The following MLLT3 variants were observed in gnomAD, a reference collection of about 807,000 sequenced individuals.
The protein encoded by MLLT3 is protein AF-9.
Under a neutral mutation model 53.2 loss-of-function variants are expected in MLLT3, and 4 were observed. The observed-to-expected ratio is 0.08, with a 90% confidence interval of 0.04 to 0.17. MLLT3 has a LOEUF of 0.17. Ranked by LOEUF, MLLT3 falls within the 10% of genes least tolerant of loss-of-function variation. The pLI, the probability that MLLT3 is intolerant of heterozygous loss-of-function variation, is 1.00. For missense variants in MLLT3, 569 were observed against 684.0 expected, an observed-to-expected ratio of 0.83 and a Z score of 1.87; for synonymous variants, 283 against 230.6, an observed-to-expected ratio of 1.23 and a Z score of -2.06.
At position 20,413,908 on chromosome 9, in the gene MLLT3, G is replaced by T; in HGVS notation, c.938C>A (p.Ala313Glu). The T allele has an allele frequency of 1.2e-6, 2 of 1,613,522 alleles. No homozygotes were observed. The highest frequency in any genetic ancestry group is 1.7e-6 in the Non-Finnish European group (2 of 1,179,902). ...SEALFKSFSSAPPLILTCSAD... is the reference protein window; with the variant it reads ...SEALFKSFSSEPPLILTCSAD... ...AGAACAAGTGAGTATCAGTGGTGGTGCGCTAGAAAAACTTTTAAATAAAGC... is the reference window on the plus strand; with the variant it reads ...AGAACAAGTGAGTATCAGTGGTGGTTCGCTAGAAAAACTTTTAAATAAAGC... The change falls in exon 5 of 11, where the codon GCA becomes GAA. Residue 313 changes from alanine (A) to glutamate (E), a missense_variant. Physicochemically the swap from Ala to Glu is moderately radical, Grantham distance 107 (BLOSUM62 -1). This residue lies in a region of MLLT3 where 437 missense variants were observed against 376.5 expected (regional missense o/e 1.16). Transcript: ENST00000380338.
chr9:20,547,745 G>A (rs113012613), intron 2 of MLLT3, among the ~76,000 whole-genome samples: 2 of 151,796 alleles, frequency 1.3e-5, no homozygotes, highest in African/African-American at 4.8e-5. Flanking sequence ...GGGCCCAGGA[G>A]TTCAAGACTA....
chr9:20,383,712 A>G (rs910774587), intron 5 of MLLT3, among the ~76,000 whole-genome samples: 13 of 151,936 alleles, frequency 8.6e-5, no homozygotes, highest in African/African-American at 3.1e-4. Flanking sequence ...CCTCTCCCCC[A>G]TGATAGTCTT....
chr9:20,481,444 C>T (rs142985046), intron 2 of MLLT3, among the ~76,000 whole-genome samples: 14 of 152,298 alleles, frequency 9.2e-5, no homozygotes, highest in Non-Finnish European at 1.8e-4. Context: ...GCAGTTGGCG[C>T]TCCATATCGC....
At chr9:20,419,709 G>T (rs1371676158) in intron 4 of MLLT3, among the ~76,000 whole-genome samples, 1 of 152,120 alleles carries the variant, frequency 6.6e-6, no homozygotes, top group Non-Finnish European at 1.5e-5. Context: ...CACACACACA[G>T]TCTGTTGCGA....
intron 8 of MLLT3, among the ~76,000 whole-genome samples, chr9:20,359,145 CAAAAA>C (rs920197622): frequency 9.5e-5 from 2 of 20,980 alleles, no homozygotes; most frequent in Non-Finnish European, 2.0e-4. Context: ...AACTCCATCT[CAAAAA>C]AAAAAAAAAA....
intron 2 of MLLT3, among the ~76,000 whole-genome samples, chr9:20,564,163 C>G (rs1819289283): frequency 6.6e-6 from 1 of 152,100 alleles, no homozygotes; most frequent in Admixed American, 6.6e-5. Flanking sequence ...ATACCCTTCC[C>G]TGGATGCTCT....
chr9:20,521,444 C>T (rs1371763697), intron 2 of MLLT3, among the ~76,000 whole-genome samples: 6 of 134,126 alleles, frequency 4.5e-5, no homozygotes, highest in Non-Finnish European at 8.0e-5. Context: ...CACTCTCTCT[C>T]GCTGTGTGTG....
chr9:20,590,167 G>C (rs575408254), intron 2 of MLLT3, among the ~76,000 whole-genome samples: 31 of 152,122 alleles, frequency 2.0e-4, no homozygotes, highest in Non-Finnish European at 4.4e-4. Flanking sequence ...GGCTTCCAGA[G>C]CTGTAATTAC....
intron 2 of MLLT3, among the ~76,000 whole-genome samples, chr9:20,474,207 C>G (rs1169822021): frequency 6.6e-6 from 1 of 152,014 alleles, no homozygotes; most frequent in Admixed American, 6.6e-5. Flanking sequence ...ACAAAAGATT[C>G]TTCAGTAATT....
intron 2 of MLLT3, among the ~76,000 whole-genome samples, chr9:20,590,202 T>C (rs1298179633): frequency 6.6e-6 from 1 of 152,100 alleles, no homozygotes; most frequent in Non-Finnish European, 1.5e-5. Context: ...GCGTCAACTC[T>C]CTCCAAGATT....
chr9:20,610,271 T>A (rs1820669466), intron 2 of MLLT3, among the ~76,000 whole-genome samples: 1 of 152,250 alleles, frequency 6.6e-6, no homozygotes, highest in East Asian at 1.9e-4. Flanking sequence ...GCTGGCCAAG[T>A]CCTTCAAGTT....
chr9:20,578,170 C>T (rs1457804761), intron 2 of MLLT3, among the ~76,000 whole-genome samples: 2 of 152,344 alleles, frequency 1.3e-5, no homozygotes, highest in South Asian at 2.1e-4. Flanking sequence ...ATCTGTACTA[C>T]AGTCAGCTCT....
intron 5 of MLLT3, among the ~76,000 whole-genome samples, chr9:20,369,434 G>A (rs1020823017): frequency 6.6e-6 from 1 of 152,096 alleles, no homozygotes; most frequent in Non-Finnish European, 1.5e-5. Flanking sequence ...AGAAAAATTA[G>A]AAAAAAATTG....
intron 2 of MLLT3, among the ~76,000 whole-genome samples, chr9:20,566,531 C>T (rs1008992027): frequency 6.6e-6 from 1 of 152,052 alleles, no homozygotes; most frequent in Non-Finnish European, 1.5e-5. Flanking sequence ...TACTTAAACA[C>T]GTATACATGC....
rs1450151638 is a variant in MLLT3 at position 20,413,998 on chromosome 9, T to C, written c.848A>G (p.Lys283Arg). The change falls in exon 5 of 11, where the codon AAA (lysine) becomes AGA (arginine). Residue 283 changes from lysine to arginine, a missense_variant. By Grantham distance (26) the Lys-to-Arg change is conservative. Coordinates refer to ENST00000380338, the MANE Select transcript of MLLT3 (RefSeq NM_004529.4). ...TTCAGAATCTGAAATGGGCGGCCTT[T>C]TACTAGGAGCCTTCTTATCTTGTCC... ...TSGQDKKAPS[K>R]RPPISDSEEL... 1 of 1,614,188 alleles carries C rather than the reference T, an allele frequency of 6.2e-7. No homozygotes were observed. Among genetic ancestry groups the C allele is most frequent in the Non-Finnish European group, 8.5e-7 (1 of 1,180,026 alleles).
chr9:20,457,636 A>G (rs1276149458), intron 2 of MLLT3, among the ~76,000 whole-genome samples: 1 of 151,818 alleles, frequency 6.6e-6, no homozygotes, highest in Non-Finnish European at 1.5e-5. Flanking sequence ...TCCCTCCTTC[A>G]CCCACCCAAA....
chr9:20,602,236 G>C (rs1421429086), intron 2 of MLLT3, among the ~76,000 whole-genome samples: 2 of 152,052 alleles, frequency 1.3e-5, no homozygotes, highest in African/African-American at 4.8e-5. Flanking sequence ...GAATTACTTT[G>C]CTTTCAGAGA....
intron 2 of MLLT3, among the ~76,000 whole-genome samples, chr9:20,461,661 A>C (rs1473692539): frequency 6.6e-6 from 1 of 152,154 alleles, no homozygotes; most frequent in Admixed American, 6.5e-5. Flanking sequence ...CAACTCCATA[A>C]GACCTTCATT....
chr9:20,414,306 G>A lies in MLLT3; in HGVS notation c.540C>T (p.Ser180=), dbSNP rs1822811130. 2.5e-6 allele frequency: 4 copies of A among 1,610,196 alleles called. No homozygotes were observed. The highest frequency in any genetic ancestry group is 3.4e-6 in the Non-Finnish European group (4 of 1,178,570). The change falls in exon 5 of 11, where the codon AGC becomes AGT. Residue 180 remains serine (S), a synonymous_variant. Transcript: ENST00000380338. The part of the protein sequence containing the change: ...SSSSSSSSSS[S]SSSSSSSSSS... ...TGCTGCTGCTGCTGCTGCTACTGCT[G>A]CTGCTACTGCTGCTGCTGCTGCTGC...
Sources: gnomAD v4.1 joint callset for allele counts (sites outside exome capture counted in the v4.1 genomes callset) on GRCh38, gnomAD v4.1.1 for gene constraint, gnomAD v4.1.1 regional missense constraint, MANE v1.5 for transcripts, NCBI Gene and HGNC (gene_info 2026-07-23, HGNC 2026-07-21) for gene names.